BTG4: variants seen among roughly 807,000 people sequenced by gnomAD.
BTG4 encodes the protein protein BTG4.
A neutral mutation model predicts 19.3 loss-of-function variants in BTG4; 10 were observed. That is an observed-to-expected ratio of 0.52 (90% CI 0.32 to 0.88). BTG4 has a LOEUF of 0.88. Among genes scored for constraint, BTG4 ranks in the 40% least tolerant of loss-of-function variants. The pLI is 0.04. For missense variants in BTG4, 238 were observed against 281.9 expected, an observed-to-expected ratio of 0.84 and a Z score of 1.11; for synonymous variants, 91 against 95.7, an observed-to-expected ratio of 0.95 and a Z score of 0.29.
chr11:111,412,692 A>C, the BTG4 span, among the ~76,000 whole-genome samples: 106 of 152,384 alleles, frequency 7.0e-4, no homozygotes, highest in African/African-American at 2.4e-3. Context: ...ATAGGAAAGA[A>C]AACAGAATCC....
chr11:111,492,534 T>C (rs190526452), downstream of BTG4, among the ~76,000 whole-genome samples: 2 of 152,308 alleles, frequency 1.3e-5, no homozygotes, highest in Admixed American at 1.3e-4. Flanking sequence ...GTGTATCAGA[T>C]TATATATTAG....
chr11:111,444,427 G>A, the BTG4 span, among the ~76,000 whole-genome samples: 1 of 152,042 alleles, frequency 6.6e-6, no homozygotes, highest in Non-Finnish European at 1.5e-5. Flanking sequence ...ATAGAGAGTA[G>A]AAGGATGGTT....
the BTG4 span, among the ~76,000 whole-genome samples, chr11:111,452,194 A>G: frequency 6.6e-6 from 1 of 152,256 alleles, no homozygotes; most frequent in Non-Finnish European, 1.5e-5. Flanking sequence ...GTCCCAGAAC[A>G]TGCACACAGC....
upstream of BTG4, chr11:111,513,317 T>C: frequency 4.1e-6 from 2 of 492,404 alleles, no homozygotes; most frequent in Non-Finnish European, 8.3e-6. Flanking sequence ...TGTGTCTATT[T>C]GCCATCGTCT....
At chr11:111,508,856 A>T (rs1313102675) in intron 1 of BTG4, among the ~76,000 whole-genome samples, 1 of 150,976 alleles carries the variant, frequency 6.6e-6, no homozygotes, top group African/African-American at 2.4e-5. Context: ...TAATTAACAT[A>T]TTAATTATCT....
chr11:111,459,043 A>G, the BTG4 span, among the ~76,000 whole-genome samples: 6 of 152,140 alleles, frequency 3.9e-5, no homozygotes, highest in African/African-American at 1.4e-4. Flanking sequence ...GGAGTTCGAG[A>G]CCAGCTTGAT....
the BTG4 span, among the ~76,000 whole-genome samples, chr11:111,430,091 A>G: frequency 6.6e-6 from 1 of 152,238 alleles, no homozygotes; most frequent in Admixed American, 6.5e-5. Flanking sequence ...AACCCAAAAT[A>G]TCGGAGATAG....
At chr11:111,402,858 TTAATAA>T in the BTG4 span, among the ~76,000 whole-genome samples, 6 of 151,000 alleles carry the variant, frequency 4.0e-5, no homozygotes, top group Non-Finnish European at 7.4e-5. Flanking sequence ...CAAGACCAAA[TTAATAA>T]TAATAATAAT....
At chr11:111,387,592 C>T in the BTG4 span, among the ~76,000 whole-genome samples, 1 of 152,210 alleles carries the variant, frequency 6.6e-6, no homozygotes, top group Non-Finnish European at 1.5e-5. Context: ...CCTTCTGGTA[C>T]TAGACAGATG....
At chr11:111,398,377 C>T in the BTG4 span, among the ~76,000 whole-genome samples, 19 of 152,230 alleles carry the variant, frequency 1.2e-4, no homozygotes, top group Non-Finnish European at 2.8e-4. Context: ...CAAACTTTGG[C>T]ATGCATCAGA....
the BTG4 span, chr11:111,454,165 A>G: frequency 1.5e-5 from 6 of 402,040 alleles, no homozygotes; most frequent in Non-Finnish European, 2.9e-5. Context: ...AAGAAGATGC[A>G]TGGAAGATCT....
At chr11:111,411,596 A>G in the BTG4 span, among the ~76,000 whole-genome samples, 3 of 152,194 alleles carry the variant, frequency 2.0e-5, no homozygotes. Flanking sequence ...CTCAAATTGT[A>G]ATGTGCACAC....
upstream of BTG4, chr11:111,513,525 G>A (rs1242165115): frequency 1.9e-6 from 1 of 525,636 alleles, no homozygotes; most frequent in Non-Finnish European, 3.9e-6. Context: ...TTGGGAATTC[G>A]TCCAAATGAG....
chr11:111,468,254 C>T (rs11213916), intron 5 of BTG4, among the ~76,000 whole-genome samples: 49,050 of 152,124 alleles, frequency 0.32, 8,266 homozygotes, highest in Admixed American at 0.44. Flanking sequence ...ATGAAATAGA[C>T]GAGAATTTAA....
downstream of BTG4, among the ~76,000 whole-genome samples, chr11:111,493,336 T>G (rs1865532472): frequency 6.6e-6 from 1 of 152,186 alleles, no homozygotes; most frequent in Non-Finnish European, 1.5e-5. Context: ...CAGTTACTGT[T>G]GTTAGTAGAC....
At chr11:111,480,550 TC>T (rs1227708590) in intron 5 of BTG4, among the ~76,000 whole-genome samples, 1 of 151,958 alleles carries the variant, frequency 6.6e-6, no homozygotes, top group Non-Finnish European at 1.5e-5. Flanking sequence ...AAAAATCATA[TC>T]CTGGGGCATA....
At chr11:111,426,025 C>T in the BTG4 span, among the ~76,000 whole-genome samples, 4 of 151,882 alleles carry the variant, frequency 2.6e-5, no homozygotes, top group Admixed American at 6.6e-5. Flanking sequence ...AGCCAGACCT[C>T]GTCTCAAAGA....
downstream of BTG4, among the ~76,000 whole-genome samples, chr11:111,491,593 C>A (rs528228905): frequency 2.0e-5 from 3 of 151,690 alleles, no homozygotes; most frequent in South Asian, 4.2e-4. Context: ...TACTAAAAAT[C>A]AAAAATTAGC....
At chr11:111,460,619 C>T in the BTG4 span, among the ~76,000 whole-genome samples, 4 of 152,224 alleles carry the variant, frequency 2.6e-5, no homozygotes, top group Non-Finnish European at 5.9e-5. Flanking sequence ...GTAATGCACG[C>T]AGCAGAGAGA....
Sources: allele counts gnomAD v4.1 joint callset (sites outside exome capture counted in the v4.1 genomes callset), GRCh38; gene constraint gnomAD v4.1.1; transcripts MANE v1.5; gene names NCBI Gene and HGNC (gene_info 2026-07-23, HGNC 2026-07-21).